HNMT: variants seen among roughly 807,000 people sequenced by gnomAD.
HNMT encodes the protein histamine N-methyltransferase.
HNMT carries 30 observed loss-of-function variants against 32.1 expected under a neutral mutation model. The observed-to-expected ratio is 0.93, with a 90% CI of 0.70 to 1.27. The LOEUF is 1.27. Ranked by LOEUF, HNMT falls within the 50% of genes most tolerant of loss-of-function variation. The pLI is 0.00. For missense variants in HNMT, 327 were observed against 346.0 expected, an observed-to-expected ratio of 0.95 and a Z score of 0.43; for synonymous variants, 125 against 119.0, an observed-to-expected ratio of 1.05 and a Z score of -0.33.
At chr2:138,013,061 A>G (rs1186838191) in intron 5 of HNMT, among the ~76,000 whole-genome samples, 1 of 152,186 alleles carries the variant, frequency 6.6e-6, no homozygotes, top group Non-Finnish European at 1.5e-5. Context: ...ATGTTTTAGT[A>G]GTGAAGTTGA....
chr2:137,988,690 T>A (rs1573659126), intron 2 of HNMT: 1 of 151,830 alleles, frequency 6.6e-6, no homozygotes, highest in Non-Finnish European at 1.5e-5. Flanking sequence ...GCCTGGCCAA[T>A]ATGGTGAAAC....
chr2:138,001,901 CA>C (rs1381736241), intron 3 of HNMT, among the ~76,000 whole-genome samples, 162 bp from the exon 4 acceptor site: 1 of 151,744 alleles, frequency 6.6e-6, no homozygotes, highest in African/African-American at 2.4e-5. Flanking sequence ...TACTAGAAAC[CA>C]AAAAAAGCAG....
rs1213461207 is a variant in HNMT, at chr2:138,016,280, A to G, written c.*2150A>G. The stretch of plus-strand genomic sequence containing the variant: ...TATTTCCTTCTCAAACATTTATCTT[A>G]TACCTTGTGTGTTCATATTATTATT... On this transcript the variant is annotated 3_prime_UTR_variant, in exon 6 of 6. Coordinates refer to ENST00000280097, the MANE Select transcript of HNMT (RefSeq NM_006895.3). The G allele has an allele frequency of 6.6e-6, 1 of 152,162 alleles. No individual in the cohort carries two copies. The highest frequency in any genetic ancestry group is 1.5e-5 in the Non-Finnish European group (1 of 68,024). The allele number at this position is 152,162 out of a possible 1,614,324, so 9.4% of individuals were successfully genotyped here. A position where few individuals can be genotyped will look rare whatever the true frequency, so the allele number is the denominator to read the frequency against.
At position 138,002,168 on chromosome 2, in the gene HNMT, A is replaced by C. The variant is rs1681193659; in HGVS notation, c.403A>C (p.Lys135Gln). The change falls in exon 4 of 6, where the codon AAG becomes CAG. Residue 135 changes from lysine to glutamine, a missense_variant. Lys to Gln is a moderately conservative substitution (Grantham distance 53). Transcript: ENST00000280097. ...SRMLEKKELQ[K>Q]WDFIHMIQML... ...AATGTTGGAGAAAAAGGAGCTTCAA[A>C]AGTGGGACTTTATTCATATGATTCA... 6.3e-7 allele frequency: 1 copy of C among 1,587,912 alleles called. No homozygotes were observed.
chr2:137,969,055 A>G (rs933699514), intron 1 of HNMT, among the ~76,000 whole-genome samples: 1 of 152,132 alleles, frequency 6.6e-6, no homozygotes, highest in African/African-American at 2.4e-5. Flanking sequence ...TACAACTGCC[A>G]TTACTAAAGA....
At chr2:138,002,242 A>AGT (rs1558745229) in intron 4 of HNMT, 48 bp downstream of exon 4, 1 of 1,267,950 alleles carries the variant, frequency 7.9e-7, no homozygotes, top group Non-Finnish European at 1.1e-6. Context: ...GACTTTTCAG[A>AGT]ATATATATAT....
chr2:138,010,455 A>G (rs951891359), intron 5 of HNMT, among the ~76,000 whole-genome samples: 9 of 142,744 alleles, frequency 6.3e-5, no homozygotes, highest in East Asian at 2.1e-4. Context: ...ACACACACAC[A>G]CACACACACA....
At chr2:138,002,986 A>G (rs1004512932) in intron 4 of HNMT, among the ~76,000 whole-genome samples, 1 of 151,470 alleles carries the variant, frequency 6.6e-6, no homozygotes, top group African/African-American at 2.4e-5. Context: ...ACGCAAGAAC[A>G]AAAAACCAAA....
In HNMT at chr2:138,009,726, C is replaced by T. The variant is rs903474254; in HGVS notation, c.524-4049C>T. On this transcript the variant is annotated intron_variant, in intron 5 of 5. Coordinates refer to ENST00000280097, the MANE Select transcript of HNMT (RefSeq NM_006895.3). ...CACATAGGAATGATCCACAAAATTA[C>T]TACTCATTGTTTTCTTTCAATGATG... 5.3e-5 allele frequency among the ~76,000 whole-genome samples: 8 copies of T among 152,176 alleles called. No individual in the cohort carries two copies. The South Asian group carries it at 1.5e-3, about 28-fold the overall frequency.
At chr2:137,982,679 T>G (rs1444173556) in intron 2 of HNMT, among the ~76,000 whole-genome samples, 1 of 152,216 alleles carries the variant, frequency 6.6e-6, no homozygotes, top group African/African-American at 2.4e-5. Context: ...TTCATTAAAC[T>G]AAAATTTATT....
chr2:138,001,688 A>T (rs184166957), intron 3 of HNMT, among the ~76,000 whole-genome samples: 9 of 152,280 alleles, frequency 5.9e-5, no homozygotes, highest in Admixed American at 5.9e-4. Context: ...TCATACAAAA[A>T]TAAGTAGCAG....
At chr2:137,985,123 C>CT (rs1221616180) in intron 2 of HNMT, among the ~76,000 whole-genome samples, 1 of 151,830 alleles carries the variant, frequency 6.6e-6, no homozygotes, top group Non-Finnish European at 1.5e-5. Context: ...ACGTAAGACT[C>CT]TCAGCTTCTC....
At position 137,970,220 on chromosome 2, in the gene HNMT, A is replaced by G; in HGVS notation, c.190+3A>G. Reference sequence around the variant, plus strand: ...TCTAAGCATAGGCGGAGGTGCAGGTATGAGTAATATATTTTTAAAGTTCAT... The same window carrying G: ...TCTAAGCATAGGCGGAGGTGCAGGTGTGAGTAATATATTTTTAAAGTTCAT... On this transcript the variant is annotated splice_donor_region_variant and intron_variant, in intron 2 of 5. Transcript: ENST00000280097. 2 of 1,501,876 alleles carry G rather than the reference A, an allele frequency of 1.3e-6. No individual in the cohort carries two copies. The highest frequency in any genetic ancestry group is 1.8e-6 in the Non-Finnish European group (2 of 1,089,258). 93.0% of individuals were successfully genotyped at this position (1,501,876 alleles called of 1,614,324 possible).
At chr2:137,974,800 T>G (rs1395915406) in intron 2 of HNMT, among the ~76,000 whole-genome samples, 2 of 152,200 alleles carry the variant, frequency 1.3e-5, no homozygotes, top group Non-Finnish European at 2.9e-5. Flanking sequence ...ATAGATAAAT[T>G]TTTTAACCCA....
chr2:137,987,157 A>G (rs1680673197), intron 2 of HNMT, among the ~76,000 whole-genome samples: 1 of 152,182 alleles, frequency 6.6e-6, no homozygotes, highest in African/African-American at 2.4e-5. Flanking sequence ...GCTTTTGTTA[A>G]CCCAAACAGC....
At chr2:137,976,330 G>C (rs1405715956) in intron 2 of HNMT, among the ~76,000 whole-genome samples, 1 of 151,662 alleles carries the variant, frequency 6.6e-6, no homozygotes, top group Non-Finnish European at 1.5e-5. Context: ...CACTCCTTGG[G>C]AGATAAAAAG....
chr2:137,980,867 G>C (rs1301697017), intron 2 of HNMT, among the ~76,000 whole-genome samples: 1 of 152,130 alleles, frequency 6.6e-6, no homozygotes, highest in Non-Finnish European at 1.5e-5. Flanking sequence ...GAGAGAAAAA[G>C]AGAAGTAAAG....
chr2:138,014,497 G>T lies in HNMT; in HGVS notation c.*367G>T. On this transcript the variant is annotated 3_prime_UTR_variant, in exon 6 of 6. Coordinates refer to ENST00000280097, the MANE Select transcript of HNMT (RefSeq NM_006895.3). ...TATAGATTCTTTATTAGTGAAGTAT[G>T]CACTAATCAATACTTTGAACACAAA... 1 of 170,878 alleles carries T rather than the reference G, an allele frequency of 5.9e-6. No homozygotes were observed. The highest frequency in any genetic ancestry group is 5.7e-5 in the Admixed American group (1 of 17,506). The allele number at this position is 170,878 out of a possible 1,614,324, so 10.6% of individuals were successfully genotyped here.
At chr2:138,009,744 C>G (rs1395262417) in intron 5 of HNMT, among the ~76,000 whole-genome samples, 1 of 151,966 alleles carries the variant, frequency 6.6e-6, no homozygotes, top group Non-Finnish European at 1.5e-5. Context: ...TGTTTTCTTT[C>G]AATGATGTAG....
Sources: gnomAD v4.1 joint callset for allele counts (sites outside exome capture counted in the v4.1 genomes callset) on GRCh38, gnomAD v4.1.1 for gene constraint, MANE v1.5 for transcripts, NCBI Gene and HGNC (gene_info 2026-07-23, HGNC 2026-07-21) for gene names.